WDR45: variants seen among roughly 807,000 people sequenced by gnomAD.
WDR45 encodes the protein WD repeat domain 45.
A neutral mutation model predicts 27.3 loss-of-function variants in WDR45; 2 were observed. The observed-to-expected ratio is 0.07, with a 90% confidence interval of 0.03 to 0.23. WDR45 has a LOEUF of 0.23. WDR45 is among the 10% of genes least tolerant of loss of function. WDR45 has a pLI of 1.00. For missense variants in WDR45, 175 were observed against 311.9 expected, an observed-to-expected ratio of 0.56 and a Z score of 3.31; for synonymous variants, 99 against 119.2, an observed-to-expected ratio of 0.83 and a Z score of 1.11.
intron 2 of WDR45, among the ~76,000 whole-genome samples, chrX:49,096,663 C>T (rs184198841): frequency 8.9e-6 from 1 of 112,880 alleles, no homozygotes; most frequent in East Asian, 2.8e-4. Flanking sequence ...ACTGCAGCTT[C>T]AATCTTTTGG....
intron 2 of WDR45, among the ~76,000 whole-genome samples, chrX:49,085,375 A>G (rs1224264859): frequency 8.9e-6 from 1 of 112,200 alleles, no homozygotes; most frequent in Non-Finnish European, 1.9e-5. Context: ...CACAGGGCAT[A>G]GAGTACACAG....
At chrX:49,091,074 C>T (rs1298776347) in intron 2 of WDR45, among the ~76,000 whole-genome samples, 2 of 110,543 alleles carry the variant, frequency 1.8e-5, no homozygotes, top group East Asian at 5.8e-4. Context: ...CCGCCCGCCT[C>T]GGCCTCCCAA....
chrX:49,084,655 C>A (rs1227309308), upstream of WDR45, among the ~76,000 whole-genome samples: 1 of 78,769 alleles, frequency 1.3e-5, no homozygotes, highest in Non-Finnish European at 2.7e-5. Flanking sequence ...TTTTTTTTGA[C>A]GGAGTCTCAC....
At chrX:49,077,785 A>G (rs2065046613) in intron 3 of WDR45, 38 bp from the exon 4 acceptor site, 1 of 1,204,496 alleles carries the variant, frequency 8.3e-7, no homozygotes, top group African/African-American at 1.7e-5. Flanking sequence ...GGTGGGAGCC[A>G]ACGCCCAGCC....
At chrX:49,094,478 A>AT (rs113412574) in intron 2 of WDR45, among the ~76,000 whole-genome samples, 20 of 106,442 alleles carry the variant, frequency 1.9e-4, no homozygotes, top group East Asian at 8.8e-4. Context: ...AAGAAAAAAA[A>AT]TTTTTTTTTT....
chrX:49,089,154 G>T (rs782369664), intron 2 of WDR45, among the ~76,000 whole-genome samples: 9 of 110,729 alleles, frequency 8.1e-5, no homozygotes, highest in African/African-American at 2.6e-4. Flanking sequence ...TGGGCGTGGT[G>T]GCGCACGCCT....
At chrX:49,086,735 A>T (rs1266613660) in intron 2 of WDR45, among the ~76,000 whole-genome samples, 1 of 110,846 alleles carries the variant, frequency 9.0e-6, no homozygotes, top group African/African-American at 3.3e-5. Flanking sequence ...TGGGGATTAC[A>T]GGCGTGCACC....
At position 49,076,704 on chromosome X, in the gene WDR45, C is replaced by T. The variant is rs1307429992; in HGVS notation, c.282G>A (p.Lys94=). The change falls in exon 5 of 11, where the codon AAG becomes AAA. Residue 94 remains lysine, a synonymous_variant. Coordinates refer to ENST00000376372, the MANE Select transcript of WDR45 (RefSeq NM_001029896.2). ...TGGTGAAGGTGAACTCCAGCACCAG[C>T]TTCTCCTTGGAGTCCTTGCCCTCCC... The part of the protein sequence containing the change: ...DAREGKDSKE[K]LVLEFTFTKP... The T allele has an allele frequency of 1.7e-6, 2 of 1,210,646 alleles. No homozygotes were observed. Among genetic ancestry groups the T allele is most frequent in the Non-Finnish European group, 1.1e-6 (1 of 894,841 alleles).
intron 2 of WDR45, 53 bp downstream of exon 2, chrX:49,077,987 AC>A: frequency 8.3e-7 from 1 of 1,208,987 alleles, no homozygotes. Flanking sequence ...CCCACTTCTG[AC>A]CCCTCTTTTC....
At chrX:49,082,722 C>CT (rs1475004492), upstream of WDR45, among the ~76,000 whole-genome samples, 8 of 109,340 alleles carry the variant, frequency 7.3e-5, no homozygotes, top group East Asian at 5.7e-4. Context: ...TTCTTTCTTT[C>CT]TTTTTTTTTA....
chrX:49,091,823 T>C (rs1251658748), intron 2 of WDR45, among the ~76,000 whole-genome samples: 1 of 80,230 alleles, frequency 1.2e-5, no homozygotes, highest in Non-Finnish European at 2.4e-5. Flanking sequence ...GATGCACTTA[T>C]ATAAAACTCT....
chrX:49,098,142 G>C (rs186506806), intron 2 of WDR45, among the ~76,000 whole-genome samples: 1 of 110,911 alleles, frequency 9.0e-6, no homozygotes, highest in East Asian at 2.8e-4. Flanking sequence ...TTGTAGAGAC[G>C]GTGTCTCACA....
Position 49,076,766 on chromosome X carries a change from G to A in WDR45, c.236-16C>T. 1 of 1,183,679 alleles carries A rather than the reference G, an allele frequency of 8.4e-7. No individual in the cohort carries two copies. Among genetic ancestry groups the A allele is most frequent in the Non-Finnish European group, 1.1e-6 (1 of 876,699 alleles). The stretch of plus-strand genomic sequence containing the variant: ...CAGATCAGCACTGCTGGGCAGGTGG[G>A]TGGGTTGTCGGGGCCAAGGTTTAGG... On this transcript the variant is annotated splice_polypyrimidine_tract_variant and intron_variant, in intron 4 of 10. Transcript: ENST00000376372.
At chrX:49,077,557 G>A (rs1395666427) in intron 4 of WDR45, 86 bp downstream of exon 4, 15 of 835,899 alleles carry the variant, frequency 1.8e-5, no homozygotes, top group Non-Finnish European at 2.5e-5. Context: ...GTACTCTGAC[G>A]TCTTCATCTG....
intron 2 of WDR45, among the ~76,000 whole-genome samples, chrX:49,095,466 AT>A (rs1231569216): frequency 4.0e-4 from 41 of 103,367 alleles, no homozygotes; most frequent in Non-Finnish European, 5.0e-4. Flanking sequence ...CATCCGGCTA[AT>A]TTTTTTTTTT....
Position 49,078,060 on chromosome X carries a change from C to T in WDR45, c.36G>A (p.Leu12=). 1 of 1,212,175 alleles carries T rather than the reference C, an allele frequency of 8.2e-7. No individual in the cohort carries two copies. Among genetic ancestry groups the T allele is most frequent in the Non-Finnish European group, 1.1e-6 (1 of 895,628 alleles). The change falls in exon 2 of 11, where the codon CTG becomes CTA. Residue 12 remains leucine, a synonymous_variant. Transcript: ENST00000376372. ...TQQPLRGVTS[L]RFNQDQSCFC... The stretch of plus-strand genomic sequence containing the variant: ...TCTCACTTTGGTCTTGGTTGAAACG[C>T]AGGCTGGTCACTCCTCGAAGTGGCT...
intron 2 of WDR45, among the ~76,000 whole-genome samples, chrX:49,091,697 C>A (rs1418601156): frequency 5.6e-4 from 40 of 71,786 alleles, no homozygotes; most frequent in Non-Finnish European, 9.1e-4. Flanking sequence ...TGCAGTGAGC[C>A]GAGGTTGCGC....
chrX:49,080,741 C>A (rs1439651651), upstream of WDR45, among the ~76,000 whole-genome samples: 1 of 108,113 alleles, frequency 9.2e-6, no homozygotes, highest in Non-Finnish European at 1.9e-5. Flanking sequence ...CCACGCCCGG[C>A]CTCTGCTTTT....
At position 49,076,984 on chromosome X, in the gene WDR45, A is replaced by C. The variant is rs1602539664; in HGVS notation, c.236-234T>G. On this transcript the variant is annotated intron_variant, in intron 4 of 10. Transcript: ENST00000376372. ...AGGAAACTGAGGTTCAAAGTGGTTG[A>C]GTGTCTGGCCAAGGACCTCAAAGCT... 1.5e-5 allele frequency: 6 copies of C among 393,058 alleles called. No individual in the cohort carries two copies. The East Asian group carries it at 2.6e-4, about 17-fold the overall frequency. The allele number at this position is 393,058 out of a possible 1,213,427, so 32.4% of individuals were successfully genotyped here. A position where few individuals can be genotyped will look rare whatever the true frequency, so the allele number is the denominator to read the frequency against.
Sources: allele counts gnomAD v4.1 joint callset (sites outside exome capture counted in the v4.1 genomes callset), GRCh38; gene constraint gnomAD v4.1.1; transcripts MANE v1.5; gene names NCBI Gene and HGNC (gene_info 2026-07-23, HGNC 2026-07-21).